Variants in IPO11 observed in about 807,000 individuals in gnomAD.
The protein encoded by IPO11 is importin 11.
A neutral mutation model predicts 143.2 loss-of-function variants in IPO11; 66 were observed. The ratio of observed to expected loss-of-function variants is 0.46; its 90% CI spans 0.38 to 0.57. The LOEUF is 0.57. IPO11 is among the 20% of genes least tolerant of loss of function. The probability of loss-of-function intolerance (pLI) is 0.00; values close to 1 mark genes in which losing one functional copy is unlikely to be tolerated. For synonymous variants in IPO11, 385 were observed against 377.8 expected (o/e 1.02, Z -0.22); for missense variants, 1,026 against 1,141.0 (o/e 0.90, Z 1.45).
chr5:62,420,741 A>G (rs1160404981), intron 1 of IPO11, among the ~76,000 whole-genome samples: 1 of 151,952 alleles, frequency 6.6e-6, no homozygotes, highest in East Asian at 1.9e-4. Context: ...CACCATGCCC[A>G]GCTAACTTTT....
chr5:62,594,002 C>G lies in IPO11; in HGVS notation c.2678+2330C>G, dbSNP rs368000769. ...ATACTTATGTAGCTAACTTGGCTTTCAACTTCCCCTTCCTGTTTATTTAAA... is the reference window on the plus strand; with the variant it reads ...ATACTTATGTAGCTAACTTGGCTTTGAACTTCCCCTTCCTGTTTATTTAAA... On this transcript the variant is annotated intron_variant, in intron 28 of 29. Transcript: ENST00000325324. Among the ~76,000 whole-genome samples the G allele has an allele frequency of 5.9e-5, 9 of 152,314 alleles. No homozygotes were observed. In the East Asian group the frequency reaches 9.6e-4, roughly 16 times the overall value.
intron 29 of IPO11, among the ~76,000 whole-genome samples, chr5:62,621,067 A>T (rs953488256): frequency 6.6e-6 from 1 of 152,200 alleles, no homozygotes; most frequent in African/African-American, 2.4e-5. Context: ...CTCACATTCC[A>T]TTGGCTGGAA....
intron 1 of IPO11, among the ~76,000 whole-genome samples, chr5:62,429,558 G>C (rs529306492): frequency 6.8e-6 from 1 of 146,262 alleles, no homozygotes; most frequent in Admixed American, 6.9e-5. Context: ...ACGAATTACA[G>C]GCGCACACCA....
chr5:62,589,437 A>T (rs1744930367), intron 27 of IPO11, among the ~76,000 whole-genome samples: 1 of 152,158 alleles, frequency 6.6e-6, no homozygotes, highest in Admixed American at 6.5e-5. Flanking sequence ...AACCTAGTCA[A>T]GTCACCCACC....
intron 20 of IPO11, among the ~76,000 whole-genome samples, chr5:62,520,422 G>A (rs1032974613): frequency 1.3e-5 from 2 of 151,568 alleles, no homozygotes; most frequent in South Asian, 2.1e-4. Context: ...TGTGCACAAC[G>A]TGCAGGTTTG....
At chr5:62,612,143 G>A (rs917853375) in intron 29 of IPO11, among the ~76,000 whole-genome samples, 4 of 151,786 alleles carry the variant, frequency 2.6e-5, no homozygotes, top group Admixed American at 1.3e-4. Flanking sequence ...TTAAAATTAC[G>A]TTACATTCTG....
intron 26 of IPO11, among the ~76,000 whole-genome samples, chr5:62,554,786 G>A (rs1743516116): frequency 1.3e-5 from 2 of 152,116 alleles, no homozygotes; most frequent in Non-Finnish European, 2.9e-5. Context: ...CAGAATCTTG[G>A]CTCACTGCAA....
intron 19 of IPO11, among the ~76,000 whole-genome samples, chr5:62,513,341 G>A (rs1580268214): frequency 7.1e-6 from 1 of 139,890 alleles, no homozygotes; most frequent in Non-Finnish European, 1.6e-5. Context: ...CCCAGACGGG[G>A]CGGCTGGCTG....
intron 7 of IPO11, among the ~76,000 whole-genome samples, chr5:62,471,306 T>A (rs1745765992): frequency 6.6e-6 from 1 of 151,558 alleles, no homozygotes; most frequent in Non-Finnish European, 1.5e-5. Flanking sequence ...TCTCCCCTAC[T>A]AGATTTGACC....
At chr5:62,606,693 C>A (rs1337256778) in intron 29 of IPO11, among the ~76,000 whole-genome samples, 1 of 151,968 alleles carries the variant, frequency 6.6e-6, no homozygotes, top group African/African-American at 2.4e-5. Context: ...AAAAATTAGC[C>A]GGGCGTGGTG....
intron 27 of IPO11, among the ~76,000 whole-genome samples, chr5:62,576,884 G>A (rs1273859607): frequency 1.3e-5 from 2 of 152,212 alleles, no homozygotes; most frequent in Non-Finnish European, 2.9e-5. Flanking sequence ...GGGAGAATCT[G>A]AATGGAAAAG....
At chr5:62,535,887 G>A (rs32177) in intron 22 of IPO11, among the ~76,000 whole-genome samples, 9,318 of 152,006 alleles carry the variant, frequency 0.061, 411 homozygotes, top group East Asian at 0.14. Context: ...GATATTTTGG[G>A]GTCATATTTT....
At chr5:62,483,539 G>A (rs1004927878) in intron 10 of IPO11, 1 of 386,220 alleles carries the variant, frequency 2.6e-6, no homozygotes, top group Admixed American at 4.3e-5. Context: ...TTAAGAATTA[G>A]GTACTATAGT....
intron 27 of IPO11, among the ~76,000 whole-genome samples, chr5:62,562,484 A>C (rs1379939829): frequency 1.3e-5 from 2 of 152,172 alleles, no homozygotes; most frequent in South Asian, 4.1e-4. Context: ...TGCAACCTAC[A>C]TCCCTTGCAT....
chr5:62,513,276 C>T (rs1341358779), intron 19 of IPO11, among the ~76,000 whole-genome samples: 1 of 135,674 alleles, frequency 7.4e-6, no homozygotes, highest in Non-Finnish European at 1.6e-5. Context: ...ACCCCCCCAC[C>T]TCCCTCCCGG....
At chr5:62,420,166 C>G (rs1696317762) in intron 1 of IPO11, among the ~76,000 whole-genome samples, 1 of 151,772 alleles carries the variant, frequency 6.6e-6, no homozygotes, top group Admixed American at 6.6e-5. Flanking sequence ...TGGCACACAC[C>G]TGTAATCCCA....
chr5:62,528,212 G>A (rs1287768177), intron 21 of IPO11, among the ~76,000 whole-genome samples: 1 of 152,194 alleles, frequency 6.6e-6, no homozygotes, highest in East Asian at 1.9e-4. Context: ...CAAGCCAAGA[G>A]AGGAGAATGT....
At chr5:62,567,753 G>A (rs554333206) in intron 27 of IPO11, among the ~76,000 whole-genome samples, 2 of 151,138 alleles carry the variant, frequency 1.3e-5, no homozygotes, top group African/African-American at 4.9e-5. Flanking sequence ...GTAGAGACAC[G>A]GTTTAGCCAT....
intron 16 of IPO11, among the ~76,000 whole-genome samples, chr5:62,498,813 T>C (rs1003439348): frequency 6.6e-6 from 1 of 152,148 alleles, no homozygotes; most frequent in Non-Finnish European, 1.5e-5. Flanking sequence ...GAGGTTGCAG[T>C]GAGCCGAGAT....
Sources: gnomAD v4.1 joint callset for allele counts (sites outside exome capture counted in the v4.1 genomes callset) on GRCh38, gnomAD v4.1.1 for gene constraint, MANE v1.5 for transcripts, NCBI Gene and HGNC (gene_info 2026-07-23, HGNC 2026-07-21) for gene names.